Variants in P2RY6 observed in about 807,000 individuals in gnomAD.
The protein encoded by P2RY6 is P2Y purinoceptor 6.
P2RY6 carries 19 observed loss-of-function variants against 16.3 expected under a neutral mutation model. That is an observed-to-expected ratio of 1.16 (90% CI 0.81 to 1.71). P2RY6 has a LOEUF of 1.71. Among genes scored for constraint, P2RY6 ranks in the 40% most tolerant of loss-of-function variants. The probability of loss-of-function intolerance (pLI) is 0.00; values close to 1 mark genes in which losing one functional copy is unlikely to be tolerated. For synonymous variants in P2RY6, 184 were observed against 201.5 expected (o/e 0.91, Z 0.74); for missense variants, 389 against 455.5 (o/e 0.85, Z 1.33).
chr11:73,283,694 G>C (rs181519685), intron 1 of P2RY6, among the ~76,000 whole-genome samples: 4 of 152,344 alleles, frequency 2.6e-5, no homozygotes, highest in African/African-American at 9.6e-5. Flanking sequence ...GGGCTCAAAG[G>C]CTCCTTGCTC....
At chr11:73,272,269 C>A (rs1025427810), upstream of P2RY6, 10 of 882,294 alleles carry the variant, frequency 1.1e-5, no homozygotes, top group Non-Finnish European at 1.4e-5. Flanking sequence ...CTGCTGCTTG[C>A]CAGCTCTGTG....
intron 1 of P2RY6, among the ~76,000 whole-genome samples, chr11:73,282,198 C>T (rs187311603): frequency 2.0e-5 from 3 of 152,192 alleles, no homozygotes; most frequent in African/African-American, 7.2e-5. Flanking sequence ...GTCCCTGGAG[C>T]CTCCCCATCC....
chr11:73,272,391 A>G lies in P2RY6; in HGVS notation c.-196A>G, dbSNP rs1591663048. On this transcript the variant is annotated 5_prime_UTR_variant, in exon 1 of 3. Transcript: ENST00000540124. ...AGTTTCAGGCACAGAACTGACTGGCAGCAGGGGCTGCTCCACGAGTGGGAA... is the reference window on the plus strand; with the variant it reads ...AGTTTCAGGCACAGAACTGACTGGCGGCAGGGGCTGCTCCACGAGTGGGAA... 1.0e-6 allele frequency: 1 copy of G among 985,524 alleles called. No homozygotes were observed. The highest frequency in any genetic ancestry group is 1.2e-6 in the Non-Finnish European group (1 of 829,976). The allele number at this position is 985,524 out of a possible 1,614,324, so 61.0% of individuals were successfully genotyped here. A position where few individuals can be genotyped will look rare whatever the true frequency, so the allele number is the denominator to read the frequency against.
chr11:73,291,988 C>A (rs561918012), intron 1 of P2RY6, among the ~76,000 whole-genome samples: 1 of 152,374 alleles, frequency 6.6e-6, no homozygotes, highest in African/African-American at 2.4e-5. Flanking sequence ...CTCCAGGTCG[C>A]CCTCTTGGAA....
chr11:73,269,805 C>G (rs1244838260), upstream of P2RY6: 1 of 152,376 alleles, frequency 6.6e-6, no homozygotes, highest in Non-Finnish European at 1.5e-5. Context: ...TACCTCAGGG[C>G]TATGCCTCTG....
upstream of P2RY6, among the ~76,000 whole-genome samples, chr11:73,270,734 C>G (rs1863267039): frequency 6.6e-6 from 1 of 152,114 alleles, no homozygotes. Flanking sequence ...CTGCCTGTGC[C>G]CAGGGAGTCC....
chr11:73,285,833 C>G (rs1432660567), intron 1 of P2RY6, among the ~76,000 whole-genome samples: 1 of 152,172 alleles, frequency 6.6e-6, no homozygotes, highest in Non-Finnish European at 1.5e-5. Flanking sequence ...CCTGAAATTG[C>G]CTGGTGAGAA....
intron 1 of P2RY6, among the ~76,000 whole-genome samples, chr11:73,280,154 T>G (rs1456796257): frequency 6.6e-6 from 1 of 152,148 alleles, no homozygotes; most frequent in Admixed American, 6.5e-5. Flanking sequence ...CCTGCTCTGT[T>G]GTAGGGGCTA....
At chr11:73,267,623 C>T (rs1232815334), upstream of P2RY6, among the ~76,000 whole-genome samples, 5 of 152,296 alleles carry the variant, frequency 3.3e-5, no homozygotes, top group Admixed American at 3.3e-4. Context: ...GGAGCAGCAT[C>T]GTTGATGCAC....
In P2RY6 at chr11:73,298,613, A is replaced by T. The variant is rs1209971815; in HGVS notation, c.*1108A>T. ...GACCCTGTTTCTACAAAAAAATATA[A>T]AAAATAGCCTGGTGTGGTGGTGTCT... On this transcript the variant is annotated 3_prime_UTR_variant, in exon 3 of 3. Coordinates refer to ENST00000540124, the MANE Select transcript of P2RY6 (RefSeq NM_001277204.2). 6.3e-6 allele frequency: 1 copy of T among 158,412 alleles called. No individual in the cohort carries two copies. 9.8% of individuals were successfully genotyped at this position (158,412 alleles called of 1,614,324 possible). A position where few individuals can be genotyped will look rare whatever the true frequency, so the allele number is the denominator to read the frequency against.
At chr11:73,268,019 G>C (rs1052862369), upstream of P2RY6, among the ~76,000 whole-genome samples, 3 of 152,252 alleles carry the variant, frequency 2.0e-5, no homozygotes, top group Non-Finnish European at 4.4e-5. Flanking sequence ...CTGGAAGTGG[G>C]TCCATGCATG....
upstream of P2RY6, among the ~76,000 whole-genome samples, chr11:73,271,270 T>TC (rs1325308292): frequency 1.6e-4 from 25 of 151,576 alleles, no homozygotes; most frequent in South Asian, 1.9e-3. Flanking sequence ...GGTCAGCCTT[T>TC]CCCCCCCGGC....
chr11:73,295,309 G>A (rs1187511969), intron 1 of P2RY6, among the ~76,000 whole-genome samples: 5 of 152,154 alleles, frequency 3.3e-5, no homozygotes, highest in South Asian at 2.1e-4. Flanking sequence ...TGTCATCACC[G>A]CATATTTCAC....
chr11:73,284,433 A>G (rs764685419), intron 1 of P2RY6, among the ~76,000 whole-genome samples: 1 of 152,034 alleles, frequency 6.6e-6, no homozygotes, highest in Non-Finnish European at 1.5e-5. Context: ...GGGAGGTGAG[A>G]GTACCAGAGA....
intron 1 of P2RY6, among the ~76,000 whole-genome samples, chr11:73,275,603 C>T (rs1480173798): frequency 2.0e-5 from 3 of 152,242 alleles, no homozygotes; most frequent in Non-Finnish European, 4.4e-5. Flanking sequence ...TCTCATTCCT[C>T]ATGCCTTCGC....
intron 1 of P2RY6, among the ~76,000 whole-genome samples, chr11:73,276,686 G>A (rs916755652): frequency 5.9e-5 from 9 of 152,186 alleles, no homozygotes; most frequent in South Asian, 2.1e-4. Context: ...AAGGAGATTC[G>A]TAGTTTCCAG....
chr11:73,288,923 A>C lies in P2RY6; in HGVS notation c.-120-6807A>C, dbSNP rs1054373759. Among the ~76,000 whole-genome samples, 4 of 152,224 alleles carry C rather than the reference A, an allele frequency of 2.6e-5. No homozygotes were observed. In the South Asian group the frequency reaches 6.2e-4, roughly 24 times the overall value. ...CCAGGGGCCAAGCAAGGGGGTTTCC[A>C]GGCCTTTATTTCCCAGCAGGCAGGC... On this transcript the variant is annotated intron_variant, in intron 1 of 2. Transcript: ENST00000540124.
intron 1 of P2RY6, among the ~76,000 whole-genome samples, chr11:73,284,907 GTGTAT>G (rs1279386453): frequency 3.3e-5 from 5 of 152,218 alleles, no homozygotes; most frequent in Non-Finnish European, 7.3e-5. Context: ...AAGTAGAACA[GTGTAT>G]TAAAAGATTT....
intron 1 of P2RY6, among the ~76,000 whole-genome samples, chr11:73,293,905 T>C (rs1405763333): frequency 1.3e-5 from 2 of 152,064 alleles, no homozygotes; most frequent in Non-Finnish European, 2.9e-5. Flanking sequence ...GCAGCACCCC[T>C]CTAGCATGTT....
Sources: gnomAD v4.1 joint callset for allele counts (sites outside exome capture counted in the v4.1 genomes callset) on GRCh38, gnomAD v4.1.1 for gene constraint, MANE v1.5 for transcripts, NCBI Gene and HGNC (gene_info 2026-07-23, HGNC 2026-07-21) for gene names.